DNAI7: variants seen among roughly 807,000 people sequenced by gnomAD.
DNAI7 encodes dynein axonemal intermediate chain 7, also known as cancer susceptibility 1.
A neutral mutation model predicts 86.6 loss-of-function variants in DNAI7; 78 were observed. The observed-to-expected ratio is 0.90, with a 90% CI of 0.75 to 1.09. DNAI7 has a LOEUF of 1.09. Ranked by LOEUF, DNAI7 falls within the 50% of genes least tolerant of loss-of-function variation. The probability of loss-of-function intolerance (pLI) is 0.00; values close to 1 mark genes in which losing one functional copy is unlikely to be tolerated. For missense variants in DNAI7, 753 were observed against 810.2 expected (o/e 0.93, Z 0.86); for synonymous variants, 274 against 273.0 (o/e 1.00, Z -0.04).
chr12:25,115,736 T>A (rs1244398988), intron 12 of DNAI7, among the ~76,000 whole-genome samples: 1 of 152,242 alleles, frequency 6.6e-6, no homozygotes, highest in Admixed American at 6.5e-5. Flanking sequence ...ATGGTACGGC[T>A]ACTTTGAAAA....
At chr12:25,163,913 G>A (rs866549780) in intron 2 of DNAI7, among the ~76,000 whole-genome samples, 6 of 152,218 alleles carry the variant, frequency 3.9e-5, no homozygotes, top group Middle Eastern at 3.4e-3. Flanking sequence ...CAAAGGAGAC[G>A]CGTTTTATCC....
rs1207810572 is a variant in DNAI7 at position 25,141,819 on chromosome 12, G to A, written c.1002+2546C>T. Among the ~76,000 whole-genome samples the A allele has an allele frequency of 3.4e-5, 5 of 146,250 alleles. No individual in the cohort carries two copies. In the East Asian group the frequency reaches 8.2e-4, roughly 24 times the overall value. On this transcript the variant is annotated intron_variant, in intron 9 of 15. Coordinates refer to ENST00000395987, the MANE Select transcript of DNAI7 (RefSeq NM_018272.5). ...CTCTCCAGCCTGAGTGACAGAGTGA[G>A]ACTCTGTCTCAAAAAAAGAAAAAAA...
chr12:25,182,254 G>T (rs953298347), intron 2 of DNAI7, among the ~76,000 whole-genome samples: 1 of 150,730 alleles, frequency 6.6e-6, no homozygotes, highest in African/African-American at 2.4e-5. Context: ...GGCTGAGGCA[G>T]GAGAATCACT....
downstream of DNAI7, chr12:25,108,277 A>G: frequency 7.0e-6 from 4 of 571,228 alleles, no homozygotes; most frequent in South Asian, 1.2e-4. Context: ...TTTTTAAGGA[A>G]GAAATATTAT....
Position 25,154,453 on chromosome 12 carries a change from T to C in DNAI7, c.304A>G (p.Lys102Glu). The change falls in exon 6 of 16, where the codon AAG becomes GAG. Residue 102 changes from lysine to glutamate, a missense_variant. Transcript: ENST00000395987. ...KQETKLLSQWKHYIQCDGSPD... is the reference protein window; with the variant it reads ...KQETKLLSQWEHYIQCDGSPD... Reference sequence around the variant, plus strand: ...CTCCCATCACATTGAATGTAGTGCTTCCACTGTGGAATAAAAATGTTTAAA... The same window carrying C: ...CTCCCATCACATTGAATGTAGTGCTCCCACTGTGGAATAAAAATGTTTAAA... The C allele has an allele frequency of 3.1e-6, 5 of 1,603,716 alleles. No homozygotes were observed. Among genetic ancestry groups the C allele is most frequent in the Non-Finnish European group, 4.2e-6 (5 of 1,177,820 alleles).
At chr12:25,160,259 T>G (rs146551299) in intron 3 of DNAI7, among the ~76,000 whole-genome samples, 1 of 152,226 alleles carries the variant, frequency 6.6e-6, no homozygotes, top group Non-Finnish European at 1.5e-5. Context: ...GGATGCTCAG[T>G]TGAATTTGAA....
chr12:25,188,606 G>A (rs980771309), intron 2 of DNAI7, among the ~76,000 whole-genome samples: 3 of 150,426 alleles, frequency 2.0e-5, no homozygotes, highest in Admixed American at 6.6e-5. Flanking sequence ...CCCGGGAGGC[G>A]AAGGTTGCAG....
intron 1 of DNAI7, among the ~76,000 whole-genome samples, chr12:25,193,566 T>C (rs1950729158): frequency 6.6e-6 from 1 of 152,218 alleles, no homozygotes; most frequent in Admixed American, 6.5e-5. Flanking sequence ...AGGAAACTAA[T>C]ACAGTAGATT....
chr12:25,119,688 C>T (rs537738337), intron 11 of DNAI7, among the ~76,000 whole-genome samples: 1 of 152,268 alleles, frequency 6.6e-6, no homozygotes, highest in East Asian at 1.9e-4. Context: ...CCCTAAATCA[C>T]ATGCTCTAAT....
rs377177445 is a variant in DNAI7 at position 25,193,896 on chromosome 12, A to T, written c.3+1180T>A. On this transcript the variant is annotated intron_variant, in intron 1 of 15. Coordinates refer to ENST00000395987, the MANE Select transcript of DNAI7 (RefSeq NM_018272.5). ...GAGTGCAGTGGCACAATCTCGGCTCACTGCAACCTCCGCCTCCCAGGTTCA... is the reference window on the plus strand; with the variant it reads ...GAGTGCAGTGGCACAATCTCGGCTCTCTGCAACCTCCGCCTCCCAGGTTCA... Among the ~76,000 whole-genome samples, 69 of 150,768 alleles carry T rather than the reference A, an allele frequency of 4.6e-4. 1 individual carries two copies. Among genetic ancestry groups the T allele is most frequent in the African/African-American group, 1.6e-3 (64 of 40,976 alleles).
At position 25,149,697 on chromosome 12, in the gene DNAI7, T is replaced by G. The variant is rs1945271588; in HGVS notation, c.516A>C (p.Gln172His). ...GCTCCTGCAGTTGTAGTATTGATTC[T>G]TGGTACTGTATTATATTTTTATCTT... ...DLQDKNIIQY[Q>H]ESILQLQELL... Residue 172 changes from glutamine to histidine, a missense_variant, in exon 7 of 16, where the codon CAA (glutamine) becomes CAC (histidine). By Grantham distance (24) the Gln-to-His change is conservative. Coordinates refer to ENST00000395987, the MANE Select transcript of DNAI7 (RefSeq NM_018272.5). 1 of 1,591,102 alleles carries G rather than the reference T, an allele frequency of 6.3e-7. No homozygotes were observed. The highest frequency in any genetic ancestry group is 8.6e-7 in the Non-Finnish European group (1 of 1,160,836).
chr12:25,161,029 A>G (rs1946785066), intron 3 of DNAI7, 84 bp downstream of exon 3: 2 of 992,508 alleles, frequency 2.0e-6, no homozygotes, highest in African/African-American at 3.3e-5. Context: ...AAGAACTTTG[A>G]AAAAATATTG....
At chr12:25,125,905 AAGATG>A (rs2140517713) in intron 9 of DNAI7, among the ~76,000 whole-genome samples, 1 of 152,272 alleles carries the variant, frequency 6.6e-6, no homozygotes, top group Non-Finnish European at 1.5e-5. Context: ...AGCTTTGTTG[AAGATG>A]AGATGTTTGC....
intron 2 of DNAI7, among the ~76,000 whole-genome samples, chr12:25,163,710 C>T (rs1947105516): frequency 6.6e-6 from 1 of 152,170 alleles, no homozygotes; most frequent in African/African-American, 2.4e-5. Flanking sequence ...AAAGATTCAC[C>T]TACGACCTCT....
chr12:25,185,876 G>C (rs1949982650), intron 2 of DNAI7: 2 of 257,112 alleles, frequency 7.8e-6, no homozygotes, highest in Non-Finnish European at 1.2e-5. Flanking sequence ...GGGGGTAGTT[G>C]AGCATGATTT....
intron 11 of DNAI7, 22 bp from the exon 12 acceptor site, chr12:25,119,323 A>G (rs1940815514): frequency 6.5e-7 from 1 of 1,549,966 alleles, no homozygotes; most frequent in African/African-American, 1.4e-5. Context: ...GACCAAAACA[A>G]CATCAAGTTA....
intron 1 of DNAI7, among the ~76,000 whole-genome samples, chr12:25,191,375 C>A (rs1592747160): frequency 6.6e-6 from 1 of 151,812 alleles, no homozygotes; most frequent in South Asian, 2.1e-4. Context: ...GCCTGGGCAG[C>A]CAAGCGAGAC....
chr12:25,108,068 A>G (rs1949339663), downstream of DNAI7: 2 of 1,611,806 alleles, frequency 1.2e-6, no homozygotes, highest in African/African-American at 1.3e-5. Context: ...TGACAGCAGG[A>G]CATCCTAATA....
intron 3 of DNAI7, among the ~76,000 whole-genome samples, chr12:25,160,841 A>T (rs1362746169): frequency 6.6e-6 from 1 of 152,188 alleles, no homozygotes; most frequent in Non-Finnish European, 1.5e-5. Context: ...CATGGGACAA[A>T]TTATCCCAAA....
Sources: gnomAD v4.1 joint callset for allele counts (sites outside exome capture counted in the v4.1 genomes callset) on GRCh38, gnomAD v4.1.1 for gene constraint, MANE v1.5 for transcripts, NCBI Gene and HGNC (gene_info 2026-07-23, HGNC 2026-07-21) for gene names.